The following PHLPP1 variants were observed in gnomAD, a reference collection of about 807,000 sequenced individuals.
PHLPP1 encodes PH domain leucine-rich repeat-containing protein phosphatase 1.
PHLPP1 carries 42 observed loss-of-function variants against 117.2 expected under a neutral mutation model. That is an observed-to-expected ratio of 0.36 (90% CI 0.28 to 0.46). PHLPP1 has a LOEUF of 0.46. Ranked by LOEUF, PHLPP1 falls within the 20% of genes least tolerant of loss-of-function variation. PHLPP1 has a pLI of 1.00. For synonymous variants in PHLPP1, 1,042 were observed against 970.7 expected, an observed-to-expected ratio of 1.07 and a Z score of -1.37; for missense variants, 2,084 against 2,241.9, an observed-to-expected ratio of 0.93 and a Z score of 1.42.
rs752558485 is a variant in PHLPP1 at position 62,860,601 on chromosome 18, G to A, written c.2066G>A (p.Arg689Lys). 7 of 1,611,018 alleles carry A rather than the reference G, an allele frequency of 4.3e-6. No individual in the cohort carries two copies. The East Asian group carries it at 1.3e-4, about 31-fold the overall frequency. The part of the protein sequence containing the change: ...PAARGLNELQ[R>K]FTKLKSLNLS... ...GCCAGGGGGCTTAATGAACTGCAAAGGTAAGCCTGCAGAAATGGGTAGATC... is the reference window on the plus strand; with the variant it reads ...GCCAGGGGGCTTAATGAACTGCAAAAGTAAGCCTGCAGAAATGGGTAGATC... The change falls in exon 4 of 17, where the codon AGG becomes AAG. Residue 689 changes from arginine to lysine, a missense_variant and splice_region_variant. Coordinates refer to ENST00000262719, the MANE Select transcript of PHLPP1 (RefSeq NM_194449.4).
chr18:62,780,716 A>T (rs1224126825), intron 1 of PHLPP1, among the ~76,000 whole-genome samples: 2 of 152,208 alleles, frequency 1.3e-5, no homozygotes, highest in Non-Finnish European at 2.9e-5. Context: ...ATCACTGCTG[A>T]TCCAAGAACC....
chr18:62,799,568 C>G (rs1489070862), intron 1 of PHLPP1, among the ~76,000 whole-genome samples: 1 of 152,206 alleles, frequency 6.6e-6, no homozygotes, highest in African/African-American at 2.4e-5. Flanking sequence ...ATGAGAGCAT[C>G]TGGAATAGAA....
intron 3 of PHLPP1, among the ~76,000 whole-genome samples, chr18:62,849,703 G>A (rs1287774157): frequency 1.5e-5 from 2 of 134,676 alleles, no homozygotes; most frequent in Admixed American, 1.6e-4. Context: ...GTTCATGCCT[G>A]TAATCCCAAC....
At chr18:62,946,923 C>G (rs943638313) in intron 12 of PHLPP1, among the ~76,000 whole-genome samples, 19 of 152,018 alleles carry the variant, frequency 1.2e-4, no homozygotes, top group African/African-American at 4.6e-4. Context: ...CATGGTGGCT[C>G]GTGCCTGTAG....
chr18:62,766,076 A>AAAAAATATATATATATATATAT, intron 1 of PHLPP1, among the ~76,000 whole-genome samples: 16 of 21,648 alleles, frequency 7.4e-4, no homozygotes, highest in Admixed American at 4.7e-3. Flanking sequence ...AAAAAAAAAA[A>AAAAAATATATATATATATATAT]ATATATATAT....
intron 4 of PHLPP1, among the ~76,000 whole-genome samples, chr18:62,882,476 G>A (rs1916193998): frequency 6.6e-6 from 1 of 151,794 alleles, no homozygotes; most frequent in South Asian, 2.1e-4. Context: ...TTTCACCATG[G>A]TCTCAATCTC....
chr18:62,832,907 A>T (rs888801639), intron 2 of PHLPP1, among the ~76,000 whole-genome samples: 17 of 152,188 alleles, frequency 1.1e-4, no homozygotes, highest in Non-Finnish European at 2.1e-4. Flanking sequence ...CTGTGGTTTC[A>T]TACCACGTGA....
At chr18:62,977,346 T>C (rs1911217817) in intron 16 of PHLPP1, among the ~76,000 whole-genome samples, 1 of 145,150 alleles carries the variant, frequency 6.9e-6, no homozygotes, top group South Asian at 2.1e-4. Flanking sequence ...AAAGAAGTGT[T>C]AAAACTAGGG....
At chr18:62,742,750 G>A (rs899775503) in intron 1 of PHLPP1, among the ~76,000 whole-genome samples, 10 of 151,940 alleles carry the variant, frequency 6.6e-5, no homozygotes, top group Admixed American at 4.6e-4. Context: ...AATTTTTATC[G>A]GAAGCTCTAT....
At chr18:62,972,007 G>C (rs1599147971) in intron 14 of PHLPP1, among the ~76,000 whole-genome samples, 1 of 152,250 alleles carries the variant, frequency 6.6e-6, no homozygotes, top group South Asian at 2.1e-4. Flanking sequence ...CTGCACTGCA[G>C]CCTAGGTGAT....
intron 1 of PHLPP1, among the ~76,000 whole-genome samples, chr18:62,806,275 C>T (rs1011102591): frequency 1.3e-5 from 2 of 152,146 alleles, no homozygotes; most frequent in Non-Finnish European, 2.9e-5. Flanking sequence ...TACTTGACTC[C>T]TTTCTGCCAT....
At chr18:62,727,497 C>T (rs1362623094) in intron 1 of PHLPP1, among the ~76,000 whole-genome samples, 2 of 151,566 alleles carry the variant, frequency 1.3e-5, no homozygotes, top group Non-Finnish European at 2.9e-5. Flanking sequence ...TGCTTGTAGT[C>T]CTAGCTACTT....
At chr18:62,768,144 A>G (rs1439025762) in intron 1 of PHLPP1, among the ~76,000 whole-genome samples, 1 of 152,238 alleles carries the variant, frequency 6.6e-6, no homozygotes. Flanking sequence ...AACTATCCAG[A>G]GAAGTCTAAA....
intron 1 of PHLPP1, among the ~76,000 whole-genome samples, chr18:62,733,224 A>G (rs528581883): frequency 1.3e-5 from 2 of 152,326 alleles, no homozygotes; most frequent in East Asian, 1.9e-4. Flanking sequence ...AGCCACTCCA[A>G]TCTGCAGCAG....
intron 1 of PHLPP1, among the ~76,000 whole-genome samples, chr18:62,735,008 A>G (rs541349681): frequency 9.0e-4 from 137 of 152,192 alleles, no homozygotes; most frequent in Non-Finnish European, 1.5e-3. Context: ...AAGTTCTACA[A>G]ACATCTTGGA....
chr18:62,849,604 C>T (rs1301137394), intron 3 of PHLPP1, among the ~76,000 whole-genome samples: 6 of 142,578 alleles, frequency 4.2e-5, no homozygotes, highest in Non-Finnish European at 7.5e-5. Flanking sequence ...AAGCCAAGAT[C>T]GCACCATTGC....
At chr18:62,823,995 G>A (rs1457293818) in intron 1 of PHLPP1, among the ~76,000 whole-genome samples, 2 of 152,120 alleles carry the variant, frequency 1.3e-5, no homozygotes, top group Non-Finnish European at 2.9e-5. Context: ...AGCCAGGCGT[G>A]GTGGCGGTTG....
At chr18:62,859,268 T>C (rs564255271) in intron 3 of PHLPP1, among the ~76,000 whole-genome samples, 2 of 152,348 alleles carry the variant, frequency 1.3e-5, no homozygotes, top group South Asian at 4.1e-4. Flanking sequence ...CCATGTGCTT[T>C]AGCATAAATT....
At chr18:62,833,190 C>CAGCCTCCTG (rs1177595002) in intron 2 of PHLPP1, among the ~76,000 whole-genome samples, 3 of 152,186 alleles carry the variant, frequency 2.0e-5, no homozygotes, top group Non-Finnish European at 2.9e-5. Flanking sequence ...TCTCCTGCCT[C>CAGCCTCCTG]AGCCTCCTGA....
Sources: allele counts gnomAD v4.1 joint callset (sites outside exome capture counted in the v4.1 genomes callset), GRCh38; gene constraint gnomAD v4.1.1; transcripts MANE v1.5; gene names NCBI Gene and HGNC (gene_info 2026-07-23, HGNC 2026-07-21).